NMD3: variants seen among roughly 807,000 people sequenced by gnomAD.
The protein encoded by NMD3 is NMD3 ribosome export adaptor.
In NMD3, 47 loss-of-function variants were observed where a neutral mutation model predicts 73.1. That is an observed-to-expected ratio of 0.64 (90% CI 0.51 to 0.82). NMD3 has a LOEUF of 0.82. Among genes scored for constraint, NMD3 ranks in the 40% least tolerant of loss-of-function variants. NMD3 has a pLI of 0.00. For synonymous variants in NMD3, 210 were observed against 194.5 expected (o/e 1.08, Z -0.66); for missense variants, 554 against 612.5 (o/e 0.90, Z 1.01).
intron 3 of NMD3, 108 bp from the exon 4 acceptor site, chr3:161,227,139 G>T: frequency 3.3e-6 from 2 of 600,444 alleles, no homozygotes; most frequent in Non-Finnish European, 5.9e-6. Context: ...ATCATCCTTG[G>T]GTTTTATTAT....
intron 3 of NMD3, 136 bp downstream of exon 3, chr3:161,225,200 C>T: frequency 2.1e-6 from 2 of 968,170 alleles, no homozygotes; most frequent in African/African-American, 1.7e-5. Flanking sequence ...GTTGGTGTCG[C>T]CAAAGATTTT....
intron 2 of NMD3, chr3:161,223,058 A>G (rs555998148): frequency 6.6e-6 from 1 of 152,350 alleles, no homozygotes; most frequent in African/African-American, 2.4e-5. Flanking sequence ...CTTTCTTGGA[A>G]TGGGTTGTTT....
chr3:161,231,896 T>C (rs938453568), intron 4 of NMD3, among the ~76,000 whole-genome samples: 1 of 151,968 alleles, frequency 6.6e-6, no homozygotes, highest in Non-Finnish European at 1.5e-5. Context: ...GGGGACAGAA[T>C]AGGGAATATG....
chr3:161,230,023 A>G (rs1332158725), intron 4 of NMD3, among the ~76,000 whole-genome samples: 1 of 152,190 alleles, frequency 6.6e-6, no homozygotes, highest in East Asian at 1.9e-4. Flanking sequence ...AGTTCTTTTG[A>G]GATTTGCTGT....
intron 2 of NMD3, 53 bp from the exon 3 acceptor site, chr3:161,224,876 AT>A (rs1736248553): frequency 6.6e-7 from 1 of 1,509,152 alleles, no homozygotes; most frequent in Admixed American, 2.1e-5. Context: ...CTAAAAAAAA[AT>A]TTAGTGTATT....
At chr3:161,241,256 T>C in intron 10 of NMD3, 93 bp downstream of exon 10, 1 of 803,684 alleles carries the variant, frequency 1.2e-6, no homozygotes, top group Non-Finnish European at 2.1e-6. Flanking sequence ...TTCTTGCTAA[T>C]ATTGTTTTGA....
At chr3:161,241,492 C>G (rs992647091) in intron 10 of NMD3, among the ~76,000 whole-genome samples, 6 of 148,582 alleles carry the variant, frequency 4.0e-5, no homozygotes, top group Non-Finnish European at 5.9e-5. Context: ...GCAATCTCAG[C>G]TCACTGCAAC....
chr3:161,233,062 A>G (rs1333726115), intron 4 of NMD3, among the ~76,000 whole-genome samples: 1 of 152,144 alleles, frequency 6.6e-6, no homozygotes, highest in Admixed American at 6.6e-5. Flanking sequence ...TGAGGTCACA[A>G]GGTCTTTGCT....
At position 161,238,114 on chromosome 3, in the gene NMD3, T is replaced by G; in HGVS notation, c.579T>G (p.Asp193Glu). The change falls in exon 8 of 16, where the codon GAT becomes GAG. Residue 193 changes from aspartate to glutamate, a missense_variant and splice_region_variant. Asp to Glu is a conservative substitution (Grantham distance 45). Transcript: ENST00000351193. ...TAGGGCTTTTTTTTTTTTTTTAAGA[T>G]GGTCTGGATTTTTATTATTCCTCAA... ...QNTLRIKEIH[D>E]GLDFYYSSKQ... is the part of the protein sequence containing the mutation. The G allele has an allele frequency of 6.4e-7, 1 of 1,564,336 alleles. No individual in the cohort carries two copies. Among genetic ancestry groups the G allele is most frequent in the Non-Finnish European group, 8.7e-7 (1 of 1,153,600 alleles).
Position 161,227,303 on chromosome 3 carries a change from T to C in NMD3, c.236T>C (p.Leu79Pro). The C allele has an allele frequency of 6.2e-7, 1 of 1,613,030 alleles. No homozygotes were observed. Among genetic ancestry groups the C allele is most frequent in the Non-Finnish European group, 8.5e-7 (1 of 1,179,520 alleles). ...TGTGCTTTAGAATCCAGGGAACTTC[T>C]TGCTTTGTGCTTGAAAAAAATCAAA... ...IQCALESREL[L>P]ALCLKKIKAP... is the part of the protein sequence containing the mutation. Residue 79 changes from leucine to proline, a missense_variant, in exon 4 of 16, where the codon CTT becomes CCT. Leu to Pro is a moderately conservative substitution (Grantham distance 98). Coordinates refer to ENST00000351193, the MANE Select transcript of NMD3 (RefSeq NM_015938.5).
rs1035942246 is a variant in NMD3, at chr3:161,238,714, A to G, written c.657-16A>G. 9 of 1,225,680 alleles carry G rather than the reference A, an allele frequency of 7.3e-6. No homozygotes were observed. The highest frequency in any genetic ancestry group is 1.5e-5 in the African/African-American group (1 of 67,144). The allele number at this position is 1,225,680 out of a possible 1,614,324, so 75.9% of individuals were successfully genotyped here. On this transcript the variant is annotated splice_polypyrimidine_tract_variant and intron_variant, in intron 8 of 15. Coordinates refer to ENST00000351193, the MANE Select transcript of NMD3 (RefSeq NM_015938.5). Reference sequence around the variant, plus strand: ...GATCTTTGTCTTTATATTACTACTAACTTTTTTCTTAATAGATACAAAGCA... The same window carrying G: ...GATCTTTGTCTTTATATTACTACTAGCTTTTTTCTTAATAGATACAAAGCA...
chr3:161,235,041 A>T, intron 6 of NMD3, 81 bp from the exon 7 acceptor site: 1 of 861,250 alleles, frequency 1.2e-6, no homozygotes, highest in Non-Finnish European at 1.9e-6. Flanking sequence ...AGTATGCTCT[A>T]TCTGTAGATA....
At chr3:161,227,045 C>T (rs1284694669) in intron 3 of NMD3, among the ~76,000 whole-genome samples, 1 of 152,058 alleles carries the variant, frequency 6.6e-6, no homozygotes, top group Non-Finnish European at 1.5e-5. Context: ...CTTTCTCAGT[C>T]AGAATTTTAC....
chr3:161,229,747 T>C (rs775965264), intron 4 of NMD3, among the ~76,000 whole-genome samples: 7 of 151,908 alleles, frequency 4.6e-5, no homozygotes, highest in Non-Finnish European at 7.4e-5. Context: ...AATAATTGGG[T>C]AATGAGGAGG....
intron 11 of NMD3, among the ~76,000 whole-genome samples, chr3:161,243,406 T>A (rs1737067518): frequency 6.6e-6 from 1 of 152,190 alleles, no homozygotes; most frequent in Admixed American, 6.5e-5. Context: ...AGGGAAACTA[T>A]GGATAAGGGG....
rs764481307 is a variant in NMD3 at position 161,227,226 on chromosome 3, G to A, written c.180-21G>A. ...GTTTCCTGACAGATGTTGGATTTCA[G>A]TATGTTATCTTCTCTTTTAGGTATT... On this transcript the variant is annotated intron_variant, in intron 3 of 15. Coordinates refer to ENST00000351193, the MANE Select transcript of NMD3 (RefSeq NM_015938.5). 6 of 1,447,424 alleles carry A rather than the reference G, an allele frequency of 4.1e-6. No homozygotes were observed. The East Asian group carries it at 1.2e-4, about 28-fold the overall frequency. The allele number at this position is 1,447,424 out of a possible 1,614,324, so 89.7% of individuals were successfully genotyped here. A position where few individuals can be genotyped will look rare whatever the true frequency, so the allele number is the denominator to read the frequency against.
intron 4 of NMD3, among the ~76,000 whole-genome samples, chr3:161,228,070 AAT>A (rs1553790083): frequency 3.3e-5 from 5 of 152,252 alleles, no homozygotes; most frequent in South Asian, 4.1e-4. Flanking sequence ...TATTAAAAAA[AAT>A]AGTTTGTTTA....
chr3:161,239,996 A>T (rs1736907168), intron 9 of NMD3, among the ~76,000 whole-genome samples: 1 of 152,176 alleles, frequency 6.6e-6, no homozygotes, highest in Non-Finnish European at 1.5e-5. Context: ...CCTGGTACAA[A>T]TCTTGAGAAA....
intron 10 of NMD3, among the ~76,000 whole-genome samples, chr3:161,241,805 A>G (rs551333339): frequency 9.9e-5 from 15 of 152,280 alleles, no homozygotes; most frequent in African/African-American, 2.9e-4. Flanking sequence ...GTTATTTTAA[A>G]TTTTGGAACA....
Sources: gnomAD v4.1 joint callset for allele counts (sites outside exome capture counted in the v4.1 genomes callset) on GRCh38, gnomAD v4.1.1 for gene constraint, MANE v1.5 for transcripts, NCBI Gene and HGNC (gene_info 2026-07-23, HGNC 2026-07-21) for gene names.